The following CCSER1 variants were observed in gnomAD, a reference collection of about 807,000 sequenced individuals.
CCSER1 encodes coiled-coil serine rich protein 1.
Under a neutral mutation model 82.0 loss-of-function variants are expected in CCSER1, and 41 were observed. The ratio of observed to expected loss-of-function variants is 0.50; its 90% confidence interval spans 0.39 to 0.65. The LOEUF (loss-of-function observed/expected upper bound fraction) is 0.65, where lower values mean the gene tolerates loss of function less well. Ranked by LOEUF, CCSER1 falls within the 30% of genes least tolerant of loss-of-function variation. CCSER1 has a pLI of 0.00. For synonymous variants in CCSER1, 414 were observed against 383.9 expected (o/e 1.08, Z -0.92); for missense variants, 1,119 against 1,064.2 (o/e 1.05, Z -0.72).
intron 1 of CCSER1, among the ~76,000 whole-genome samples, chr4:90,256,940 T>C (rs989590156): frequency 6.6e-6 from 1 of 152,124 alleles, no homozygotes; most frequent in African/African-American, 2.4e-5. Flanking sequence ...GTTTTTCATT[T>C]ATAAATTAAA....
intron 10 of CCSER1, among the ~76,000 whole-genome samples, chr4:91,504,978 G>A (rs189835600): frequency 7.2e-5 from 11 of 152,266 alleles, no homozygotes; most frequent in Admixed American, 6.5e-4. Flanking sequence ...TGTGCAGGAT[G>A]TACAGGTTTG....
At chr4:90,512,965 G>T (rs1347787860) in intron 5 of CCSER1, among the ~76,000 whole-genome samples, 3 of 152,052 alleles carry the variant, frequency 2.0e-5, no homozygotes, top group Non-Finnish European at 4.4e-5. Context: ...ATTAACAAAT[G>T]TTGAAGTTAT....
intron 10 of CCSER1, among the ~76,000 whole-genome samples, chr4:91,275,248 A>G (rs1275288751): frequency 6.6e-6 from 1 of 151,978 alleles, no homozygotes; most frequent in African/African-American, 2.4e-5. Context: ...TTACATTTCC[A>G]CCCACAATGT....
At chr4:90,611,044 A>ATTTTC (rs1166752514) in intron 5 of CCSER1, among the ~76,000 whole-genome samples, 78 of 99,434 alleles carry the variant, frequency 7.8e-4, no homozygotes, top group African/African-American at 3.2e-3. Context: ...TGCCTGGCTA[A>ATTTTC]TTTTCTTTTC....
At chr4:90,669,274 A>G (rs1732362588) in intron 6 of CCSER1, among the ~76,000 whole-genome samples, 1 of 152,176 alleles carries the variant, frequency 6.6e-6, no homozygotes, top group Admixed American at 6.5e-5. Flanking sequence ...TTTCTCTTAA[A>G]ATAAAAACTT....
intron 1 of CCSER1, among the ~76,000 whole-genome samples, chr4:90,277,035 A>G (rs1465480811): frequency 6.6e-6 from 1 of 151,232 alleles, no homozygotes; most frequent in African/African-American, 2.4e-5. Flanking sequence ...ATAGAATCAT[A>G]TTGTCTGTGA....
chr4:90,251,286 A>C (rs1362239156), intron 1 of CCSER1, among the ~76,000 whole-genome samples: 3 of 151,878 alleles, frequency 2.0e-5, no homozygotes, highest in African/African-American at 7.2e-5. Context: ...ATATGATGAT[A>C]TTGAACAGTC....
chr4:91,456,266 G>A (rs1578503103), intron 10 of CCSER1, among the ~76,000 whole-genome samples: 2 of 152,020 alleles, frequency 1.3e-5, no homozygotes, highest in Middle Eastern at 6.8e-3. Context: ...TGAGGTCTCT[G>A]CCCTCATGAC....
chr4:90,996,389 A>T (rs921928755), intron 9 of CCSER1, among the ~76,000 whole-genome samples: 10 of 152,140 alleles, frequency 6.6e-5, no homozygotes, highest in African/African-American at 2.2e-4. Context: ...CAGCTACCCC[A>T]TTAATAGGTA....
At chr4:90,951,648 A>T (rs546357751) in intron 9 of CCSER1, among the ~76,000 whole-genome samples, 1 of 152,128 alleles carries the variant, frequency 6.6e-6, no homozygotes, top group African/African-American at 2.4e-5. Flanking sequence ...AGATGTTATC[A>T]AAAACTACAT....
chr4:90,855,357 C>CTATTT (rs1453837273), intron 8 of CCSER1, among the ~76,000 whole-genome samples: 2 of 152,098 alleles, frequency 1.3e-5, no homozygotes, highest in Non-Finnish European at 2.9e-5. Flanking sequence ...TTTGCTCAAT[C>CTATTT]TATTTCTTTA....
chr4:90,427,119 A>C (rs1757631272), intron 4 of CCSER1, among the ~76,000 whole-genome samples: 1 of 152,196 alleles, frequency 6.6e-6, no homozygotes, highest in Non-Finnish European at 1.5e-5. Flanking sequence ...TGTGTCTAAT[A>C]GCCAAAACTG....
At chr4:91,058,763 T>A (rs571955015) in intron 9 of CCSER1, among the ~76,000 whole-genome samples, 12 of 152,200 alleles carry the variant, frequency 7.9e-5, no homozygotes, top group Admixed American at 3.3e-4. Flanking sequence ...GTTTGATTTT[T>A]TTATGTAATA....
At chr4:90,412,747 G>A (rs1755085555) in intron 4 of CCSER1, among the ~76,000 whole-genome samples, 1 of 152,000 alleles carries the variant, frequency 6.6e-6, no homozygotes, top group Non-Finnish European at 1.5e-5. Flanking sequence ...GGCATAGAAG[G>A]GACATACCTT....
chr4:90,844,619 C>T (rs1762974951), intron 8 of CCSER1, among the ~76,000 whole-genome samples: 1 of 152,276 alleles, frequency 6.6e-6, no homozygotes, highest in African/African-American at 2.4e-5. Context: ...TCCTCAACTT[C>T]ACTACTCTAC....
chr4:91,368,270 G>C (rs1243341558), intron 10 of CCSER1, among the ~76,000 whole-genome samples: 3 of 152,006 alleles, frequency 2.0e-5, no homozygotes, highest in Non-Finnish European at 4.4e-5. Context: ...TAAATTCAAT[G>C]TTCTCAAATA....
At chr4:91,460,145 A>G (rs969598927) in intron 10 of CCSER1, among the ~76,000 whole-genome samples, 5 of 152,174 alleles carry the variant, frequency 3.3e-5, no homozygotes, top group African/African-American at 1.2e-4. Context: ...TGAAAGTAAA[A>G]TCAGTAATTT....
intron 4 of CCSER1, among the ~76,000 whole-genome samples, chr4:90,436,781 G>C (rs912728540): frequency 6.6e-6 from 1 of 151,078 alleles, no homozygotes; most frequent in African/African-American, 2.4e-5. Flanking sequence ...TATTATATTA[G>C]CATTTGTAAT....
Position 91,307,263 on chromosome 4 carries a change from TA to T in CCSER1, c.2217+221277del, listed in dbSNP as rs540022614. Among the ~76,000 whole-genome samples, 78 of 151,630 alleles carry T rather than the reference TA, an allele frequency of 5.1e-4. 1 individual carries two copies. The East Asian group carries it at 6.6e-3, about 13-fold the overall frequency. On this transcript the variant is annotated intron_variant, in intron 10 of 10. Transcript: ENST00000509176. ...TTCATGAAGAAAAGTTATGAAACAA[TA>T]AAAAAAAGGATTCTGAACAGATCTA...
Sources: gnomAD v4.1 joint callset for allele counts (sites outside exome capture counted in the v4.1 genomes callset) on GRCh38, gnomAD v4.1.1 for gene constraint, MANE v1.5 for transcripts, NCBI Gene and HGNC (gene_info 2026-07-23, HGNC 2026-07-21) for gene names.